Variants in NOTCH2NLC observed in about 807,000 individuals in gnomAD.
NOTCH2NLC encodes the protein notch 2 N-terminal like C, also known as notch homolog 2 N-terminal-like protein C.
Under a neutral mutation model 17.7 loss-of-function variants are expected in NOTCH2NLC, and 4 were observed. The ratio of observed to expected loss-of-function variants is 0.23; its 90% CI spans 0.11 to 0.52. NOTCH2NLC has a LOEUF of 0.52. NOTCH2NLC is among the 20% of genes least tolerant of loss of function. The pLI, the probability that NOTCH2NLC is intolerant of heterozygous loss-of-function variation, is 0.96. For synonymous variants in NOTCH2NLC, 18 were observed against 86.0 expected (o/e 0.21, Z 4.38); for missense variants, 57 against 207.2 (o/e 0.28, Z 4.45).
intron 2 of NOTCH2NLC, among the ~76,000 whole-genome samples, chr1:149,444,972 G>C (rs2084540906): frequency 6.7e-6 from 1 of 149,750 alleles, no homozygotes; most frequent in East Asian, 2.0e-4. Context: ...GAAAAGGGGG[G>C]GTTGAGAGTA....
At chr1:149,460,903 CTTTCTT>C (rs2084644961) in intron 3 of NOTCH2NLC, among the ~76,000 whole-genome samples, 1 of 108,270 alleles carries the variant, frequency 9.2e-6, no homozygotes, top group African/African-American at 3.5e-5. Flanking sequence ...TTCTTTCTTT[CTTTCTT>C]TCTTTCTCTC....
chr1:149,449,860 G>A (rs1294983919), intron 2 of NOTCH2NLC, among the ~76,000 whole-genome samples: 2 of 150,528 alleles, frequency 1.3e-5, no homozygotes, highest in Non-Finnish European at 3.0e-5. Flanking sequence ...GCATATTCTG[G>A]ACATTTCATA....
In NOTCH2NLC at chr1:149,470,270, T is replaced by A. The variant is rs1464133819; in HGVS notation, c.*6117T>A. Among the ~76,000 whole-genome samples the A allele has an allele frequency of 1.3e-5, 2 of 151,086 alleles. No individual in the cohort carries two copies. The highest frequency in any genetic ancestry group is 6.6e-5 in the Admixed American group (1 of 15,120). On this transcript the variant is annotated 3_prime_UTR_variant, in exon 5 of 5. Coordinates refer to ENST00000650865, the MANE Select transcript of NOTCH2NLC (RefSeq NM_001364013.2). ...ATAATACCACTGACAAATAATAATA[T>A]TAGCTAATATGTGTAAGGCACTGTG...
rs1261762999 is a variant in NOTCH2NLC, at chr1:149,470,916, TG to T, written c.*6766del. On this transcript the variant is annotated 3_prime_UTR_variant, in exon 5 of 5. Transcript: ENST00000650865. ...CAGGAACTGTCAGACTGTTCTGAAGTGGGTACATTATTTTACATTCCAACCA... is the reference window on the plus strand; with the variant it reads ...CAGGAACTGTCAGACTGTTCTGAAGTGGTACATTATTTTACATTCCAACCA... Among the ~76,000 whole-genome samples, 2 of 147,890 alleles carry T rather than the reference TG, an allele frequency of 1.4e-5. No individual in the cohort carries two copies. The highest frequency in any genetic ancestry group is 4.0e-4 in the East Asian group (2 of 5,014).
At chr1:149,393,704 A>C (rs1273087995) in intron 1 of NOTCH2NLC, among the ~76,000 whole-genome samples, 5 of 143,472 alleles carry the variant, frequency 3.5e-5, no homozygotes, top group Non-Finnish European at 6.0e-5. Context: ...GATGGTGATG[A>C]AATTTAACCT....
intron 1 of NOTCH2NLC, among the ~76,000 whole-genome samples, chr1:149,425,305 C>T (rs1221616803): frequency 6.7e-6 from 1 of 149,902 alleles, no homozygotes; most frequent in African/African-American, 2.4e-5. Context: ...CCAGGGGAAG[C>T]TTTCTGGGTG....
intron 1 of NOTCH2NLC, among the ~76,000 whole-genome samples, chr1:149,429,764 C>T (rs2084433446): frequency 6.6e-6 from 1 of 150,928 alleles, no homozygotes; most frequent in Non-Finnish European, 1.5e-5. Flanking sequence ...CAGGGATGGC[C>T]AGGCCTAGCG....
chr1:149,426,576 C>CTTTTTTTTTTTTTT (rs1224339764), intron 1 of NOTCH2NLC, among the ~76,000 whole-genome samples: 1 of 104,456 alleles, frequency 9.6e-6, no homozygotes, highest in Admixed American at 1.1e-4. Context: ...TTCTTTTTGC[C>CTTTTTTTTTTTTTT]TTTTTTTTTT....
At chr1:149,409,277 T>C (rs2084285331) in intron 1 of NOTCH2NLC, among the ~76,000 whole-genome samples, 1 of 150,360 alleles carries the variant, frequency 6.7e-6, no homozygotes, top group African/African-American at 2.4e-5. Context: ...AATTAAAAAA[T>C]TTGAATATCT....
intron 2 of NOTCH2NLC, 63 bp downstream of exon 2, chr1:149,431,078 CT>C: frequency 1.5e-5 from 3 of 200,156 alleles, no homozygotes; most frequent in East Asian, 2.1e-4. Context: ...TTTGATTCTA[CT>C]CCTCTATTTT....
intron 1 of NOTCH2NLC, among the ~76,000 whole-genome samples, chr1:149,429,995 G>C (rs1329296961): frequency 6.6e-6 from 1 of 151,026 alleles, no homozygotes; most frequent in African/African-American, 2.4e-5. Context: ...TTCTTGATAT[G>C]TATTTTGGTG....
chr1:149,446,140 G>A (rs1439253828), intron 2 of NOTCH2NLC, among the ~76,000 whole-genome samples: 3 of 96,376 alleles, frequency 3.1e-5, no homozygotes, highest in East Asian at 2.8e-4. Flanking sequence ...CTTAGGAAAC[G>A]TGAAAGAACA....
At chr1:149,445,849 G>A (rs1489898115) in intron 2 of NOTCH2NLC, among the ~76,000 whole-genome samples, 4 of 146,986 alleles carry the variant, frequency 2.7e-5, no homozygotes, top group African/African-American at 1.0e-4. Flanking sequence ...TGTATGTGGT[G>A]GGGTTTTGCT....
chr1:149,402,172 C>T lies in NOTCH2NLC; in HGVS notation c.135+11250C>T, dbSNP rs1460856033. On this transcript the variant is annotated intron_variant, in intron 1 of 4. Transcript: ENST00000650865. Reference sequence around the variant, plus strand: ...TCGGCTCACCGCAACCTCCACCTCCCGGGTTCAAATGATTCTCCTACCTCA... The same window carrying T: ...TCGGCTCACCGCAACCTCCACCTCCTGGGTTCAAATGATTCTCCTACCTCA... Among the ~76,000 whole-genome samples the T allele has an allele frequency of 2.5e-4, 37 of 150,844 alleles. 2 individuals carry two copies. Among genetic ancestry groups the T allele is most frequent in the Non-Finnish European group, 4.6e-4 (31 of 67,442 alleles).
At chr1:149,419,658 C>T (rs2084367270) in intron 1 of NOTCH2NLC, among the ~76,000 whole-genome samples, 3 of 149,134 alleles carry the variant, frequency 2.0e-5, no homozygotes, top group South Asian at 2.1e-4. Flanking sequence ...GGAGGACTGG[C>T]GTTTTTAAGA....
chr1:149,423,187 A>G (rs1338286661), intron 1 of NOTCH2NLC, among the ~76,000 whole-genome samples: 1 of 148,368 alleles, frequency 6.7e-6, no homozygotes, highest in East Asian at 2.0e-4. Flanking sequence ...TAAAGAGCAC[A>G]TAAATCCTTG....
chr1:149,446,362 T>A (rs2101500427), intron 2 of NOTCH2NLC, among the ~76,000 whole-genome samples: 1 of 104,138 alleles, frequency 9.6e-6, no homozygotes, highest in South Asian at 3.9e-4. Flanking sequence ...TCAAATGGAA[T>A]GTTTTCTAGT....
At chr1:149,416,805 G>A (rs2101476368) in intron 1 of NOTCH2NLC, among the ~76,000 whole-genome samples, 1 of 147,632 alleles carries the variant, frequency 6.8e-6, no homozygotes, top group African/African-American at 2.5e-5. Flanking sequence ...TTTCAAAAGT[G>A]GGGTTCTTTT....
At position 149,408,574 on chromosome 1, in the gene NOTCH2NLC, G is replaced by T. The variant is rs1440427897; in HGVS notation, c.135+17652G>T. Among the ~76,000 whole-genome samples the T allele has an allele frequency of 5.1e-4, 77 of 151,116 alleles. 2 individuals carry two copies. The highest frequency in any genetic ancestry group is 9.2e-4 in the Non-Finnish European group (62 of 67,598). On this transcript the variant is annotated intron_variant, in intron 1 of 4. Transcript: ENST00000650865. ...ACACCCACAAGGAAATGTGTATCTA[G>T]AGCCTGTGGGAACTGTGACTGATAC...
Sources: gnomAD v4.1 joint callset for allele counts (sites outside exome capture counted in the v4.1 genomes callset) on GRCh38, gnomAD v4.1.1 for gene constraint, MANE v1.5 for transcripts, NCBI Gene and HGNC (gene_info 2026-07-23, HGNC 2026-07-21) for gene names.